MCM3AP: variants seen among roughly 807,000 people sequenced by gnomAD.
The protein encoded by MCM3AP is minichromosome maintenance complex component 3 associated protein.
A neutral mutation model predicts 184.1 loss-of-function variants in MCM3AP; 126 were observed. The ratio of observed to expected loss-of-function variants is 0.68; its 90% CI spans 0.59 to 0.79. The LOEUF is 0.79. Among genes scored for constraint, MCM3AP ranks in the 30% least tolerant of loss-of-function variants. MCM3AP has a pLI of 0.00. For synonymous variants in MCM3AP, 1,002 were observed against 979.3 expected (o/e 1.02, Z -0.43); for missense variants, 2,496 against 2,479.2 (o/e 1.01, Z -0.14).
At chr21:46,239,089 G>A (rs2080600602) in intron 26 of MCM3AP, among the ~76,000 whole-genome samples, 1 of 152,206 alleles carries the variant, frequency 6.6e-6, no homozygotes, top group Non-Finnish European at 1.5e-5. Flanking sequence ...GGAGGGGCTG[G>A]ACAGTCCTAG....
Position 46,244,709 on chromosome 21 carries a change from A to G in MCM3AP, c.5038+98T>C. On this transcript the variant is annotated intron_variant, in intron 23 of 27. Transcript: ENST00000291688. ...ACGGAGGTGGACGTGCAGCCCTCAC[A>G]CTGGTGCCCAACACCTGCCAGACGG... 4 of 1,332,130 alleles carry G rather than the reference A, an allele frequency of 3.0e-6. No homozygotes were observed. The South Asian group carries it at 4.2e-5, about 14-fold the overall frequency. The allele number at this position is 1,332,130 out of a possible 1,614,324, so 82.5% of individuals were successfully genotyped here. A position where few individuals can be genotyped will look rare whatever the true frequency, so the allele number is the denominator to read the frequency against.
rs986295223 is a variant in MCM3AP at position 46,244,750 on chromosome 21, G to A, written c.5038+57C>T. On this transcript the variant is annotated intron_variant, in intron 23 of 27. Transcript: ENST00000291688. ...TGCCAGACGGTTACTACAGTGAGAA[G>A]GAAGCCTGAGACTTGGCTGCAGCCA... is the stretch of plus-strand genomic sequence containing the variant. The A allele has an allele frequency of 5.8e-6, 9 of 1,539,530 alleles. No homozygotes were observed. The Admixed American group carries it at 1.8e-4, about 30-fold the overall frequency.
intron 20 of MCM3AP, chr21:46,249,746 T>C: frequency 2.8e-6 from 1 of 362,592 alleles, no homozygotes; most frequent in East Asian, 7.7e-5. Flanking sequence ...TGCCAGGCAC[T>C]GTCCTGTGCA....
chr21:46,249,207 T>G (rs904577910), intron 20 of MCM3AP, among the ~76,000 whole-genome samples: 17 of 152,174 alleles, frequency 1.1e-4, no homozygotes, highest in African/African-American at 3.9e-4. Flanking sequence ...TTTCTTTCTT[T>G]TGAGACGGGG....
intron 11 of MCM3AP, 93 bp from the exon 12 acceptor site, chr21:46,265,616 AC>A: frequency 9.9e-7 from 1 of 1,013,740 alleles, no homozygotes. Context: ...GCCCCAGGCC[AC>A]CCACAGTGAC....
chr21:46,277,455 G>A (rs1286785330), intron 5 of MCM3AP, 72 bp downstream of exon 5: 2 of 1,231,352 alleles, frequency 1.6e-6, no homozygotes, highest in Non-Finnish European at 2.2e-6. Context: ...GAAAGGAGTT[G>A]CTCCTGCCCT....
chr21:46,285,558 A>G lies in MCM3AP; in HGVS notation c.-272T>C. The stretch of plus-strand genomic sequence containing the variant: ...TATTTTGTTGGAGGGTGGGGTAGAG[A>G]GTGGTACAAATAATTACTTTGTTAC... On this transcript the variant is annotated 5_prime_UTR_variant, in exon 1 of 28. Coordinates refer to ENST00000291688, the MANE Select transcript of MCM3AP (RefSeq NM_003906.5). The G allele has an allele frequency of 2.4e-6, 1 of 414,396 alleles. No individual in the cohort carries two copies. The highest frequency in any genetic ancestry group is 4.2e-5 in the East Asian group (1 of 23,712). The allele number at this position is 414,396 out of a possible 1,614,324, so 25.7% of individuals were successfully genotyped here.
chr21:46,262,823 C>T (rs1456331282), intron 13 of MCM3AP, among the ~76,000 whole-genome samples: 4 of 150,402 alleles, frequency 2.7e-5, no homozygotes, highest in Non-Finnish European at 5.9e-5. Context: ...AAAAATTAGC[C>T]GGGCGAGGTA....
At chr21:46,259,329 G>A (rs551197638) in intron 15 of MCM3AP, 54 of 314,876 alleles carry the variant, frequency 1.7e-4, no homozygotes, top group African/African-American at 9.9e-4. Flanking sequence ...GGTGGCGGGC[G>A]CCTGTAGTCC....
rs185551647 is a variant in MCM3AP, at chr21:46,245,250, A to G, written c.4648-53T>C. The G allele has an allele frequency of 2.5e-4, 376 of 1,534,208 alleles. 4 individuals carry two copies. The East Asian group carries it at 7.2e-3, about 30-fold the overall frequency. ...ACAATTCACACTGTTTTTCAAAAAC[A>G]GCTTTCTGAAAGGGCTTGATCCCCC... is the stretch of plus-strand genomic sequence containing the variant. On this transcript the variant is annotated intron_variant, in intron 22 of 27. Transcript: ENST00000291688.
At chr21:46,277,149 C>A (rs1383619954) in intron 5 of MCM3AP, among the ~76,000 whole-genome samples, 1 of 152,114 alleles carries the variant, frequency 6.6e-6, no homozygotes, top group Non-Finnish European at 1.5e-5. Flanking sequence ...TAATGGAATA[C>A]TTACTTTTTA....
At chr21:46,259,787 C>T (rs1414516830) in intron 15 of MCM3AP, among the ~76,000 whole-genome samples, 1 of 151,720 alleles carries the variant, frequency 6.6e-6, no homozygotes, top group East Asian at 1.9e-4. Context: ...TGGCAGGCTC[C>T]TGTAGTCCCA....
chr21:46,236,862 A>G lies in MCM3AP; in HGVS notation c.5751T>C (p.Pro1917=), dbSNP rs1265130789. ...TAGTAGTTACAGATGTTTTCATCAC[A>G]GGTTCAATAGTGTGAGAAAGAGACA... The part of the protein sequence containing the change: ...TLVSLSHTIE[P]VMKTSVTTSP... Residue 1917 remains proline, a synonymous_variant, in exon 27 of 28, where the codon CCT becomes CCC. Transcript: ENST00000291688. 1 of 1,560,882 alleles carries G rather than the reference A, an allele frequency of 6.4e-7. No homozygotes were observed. Among genetic ancestry groups the G allele is most frequent in the Non-Finnish European group, 8.6e-7 (1 of 1,160,864 alleles).
chr21:46,273,324 A>C (rs2081208247), intron 7 of MCM3AP, 64 bp downstream of exon 7: 8 of 1,441,434 alleles, frequency 5.6e-6, no homozygotes, highest in Admixed American at 1.7e-5. Context: ...GAGTAATAAA[A>C]ATATCAGTTT....
Position 46,275,921 on chromosome 21 carries a change from A to C in MCM3AP, c.1859-596T>G, listed in dbSNP as rs184772723. On this transcript the variant is annotated intron_variant, in intron 5 of 27. Transcript: ENST00000291688. ...GGAAAAGGAAATGCAACAACTTCAC[A>C]CTCAAAATATATACTTATTGTTTTC... 1.3e-3 allele frequency among the ~76,000 whole-genome samples: 193 copies of C among 152,300 alleles called. 1 individual carries two copies. Among genetic ancestry groups the C allele is most frequent in the South Asian group, 2.3e-3 (11 of 4,832 alleles).
At position 46,265,394 on chromosome 21, in the gene MCM3AP, G is replaced by A. The variant is rs746510079; in HGVS notation, c.3161C>T (p.Ala1054Val). The change falls in exon 12 of 28, where the codon GCG becomes GTG. Residue 1054 changes from alanine (A) to valine (V), a missense_variant. Physicochemically the swap from Ala to Val is moderately conservative, Grantham distance 64 (BLOSUM62 0). Transcript: ENST00000291688. ...CACAGACAGCTGGAAGAGGCTGGGCGCCACAGACGGGGTCAGTGCCAGGAC... is the reference window on the plus strand; with the variant it reads ...CACAGACAGCTGGAAGAGGCTGGGCACCACAGACGGGGTCAGTGCCAGGAC... ...PPVLALTPSV[A>V]PSLFQLSVQP... 8.1e-6 allele frequency: 13 copies of A among 1,613,936 alleles called. No individual in the cohort carries two copies. The highest frequency in any genetic ancestry group is 5.3e-5 in the African/African-American group (4 of 74,920).
intron 11 of MCM3AP, 39 bp downstream of exon 11, chr21:46,265,886 T>C: frequency 6.6e-7 from 1 of 1,505,772 alleles, no homozygotes. Context: ...GGTGGGAAAA[T>C]GCAGCTAGTC....
chr21:46,267,397 G>C (rs942453842), intron 9 of MCM3AP: 3 of 456,706 alleles, frequency 6.6e-6, no homozygotes, highest in African/African-American at 5.9e-5. Context: ...TTATTCATAA[G>C]AGAAATCATG....
chr21:46,259,458 A>AG (rs2081010044), intron 15 of MCM3AP: 1 of 155,882 alleles, frequency 6.4e-6, no homozygotes, highest in Admixed American at 6.6e-5. Flanking sequence ...TCCGTCTCAA[A>AG]AAAAAAAAAA....
Sources: allele counts gnomAD v4.1 joint callset (sites outside exome capture counted in the v4.1 genomes callset), GRCh38; gene constraint gnomAD v4.1.1; transcripts MANE v1.5; gene names NCBI Gene and HGNC (gene_info 2026-07-23, HGNC 2026-07-21).